The following DOCK8 variants were observed in gnomAD, a reference collection of about 807,000 sequenced individuals.
DOCK8 encodes dedicator of cytokinesis protein 8.
Under a neutral mutation model 245.6 loss-of-function variants are expected in DOCK8, and 141 were observed. That is an observed-to-expected ratio of 0.57 (90% CI 0.50 to 0.66). The LOEUF is 0.66. DOCK8 is among the 30% of genes least tolerant of loss of function. The probability of loss-of-function intolerance (pLI) is 0.00; values close to 1 mark genes in which losing one functional copy is unlikely to be tolerated. For missense variants in DOCK8, 2,965 were observed against 2,603.4 expected (o/e 1.14, Z -3.02); for synonymous variants, 1,168 against 970.2 (o/e 1.20, Z -3.79).
At chr9:244,633 T>TA (rs1183257378) in intron 1 of DOCK8, among the ~76,000 whole-genome samples, 1 of 152,208 alleles carries the variant, frequency 6.6e-6, no homozygotes, top group Non-Finnish European at 1.5e-5. Flanking sequence ...TATCATATCA[T>TA]AAATGTTTAA....
chr9:342,728 A>G (rs1210285650), intron 14 of DOCK8, among the ~76,000 whole-genome samples: 3 of 152,116 alleles, frequency 2.0e-5, no homozygotes, highest in African/African-American at 7.2e-5. Context: ...TCGGCCTCCC[A>G]AAGTGCTGGG....
At chr9:330,647 G>C (rs1454234657) in intron 9 of DOCK8, among the ~76,000 whole-genome samples, 1 of 151,972 alleles carries the variant, frequency 6.6e-6, no homozygotes, top group African/African-American at 2.4e-5. Flanking sequence ...ACAATAAATG[G>C]CCATGAAATA....
intron 16 of DOCK8, 61 bp from the exon 17 acceptor site, chr9:371,367 C>G: frequency 6.2e-7 from 1 of 1,602,670 alleles, no homozygotes; most frequent in Non-Finnish European, 8.5e-7. Context: ...TGGCGTTTTA[C>G]AATCAGAGAA....
At chr9:343,540 A>C (rs1443151080) in intron 14 of DOCK8, among the ~76,000 whole-genome samples, 1 of 152,152 alleles carries the variant, frequency 6.6e-6, no homozygotes, top group African/African-American at 2.4e-5. Context: ...ACAAACAGCT[A>C]TTCACACAGG....
At chr9:334,477 G>A in intron 11 of DOCK8, 93 bp downstream of exon 11, 1 of 1,403,850 alleles carries the variant, frequency 7.1e-7, no homozygotes, top group East Asian at 2.3e-5. Flanking sequence ...GGCACAGTGA[G>A]GTGTGGGAAG....
Position 390,574 on chromosome 9 carries a change from T to A in DOCK8, c.2970+8T>A. On this transcript the variant is annotated splice_region_variant and intron_variant, in intron 24 of 47. Transcript: ENST00000432829. The stretch of plus-strand genomic sequence containing the variant: ...TTCTTCTTTGAGCTTCTGGTGAGAT[T>A]CTTGCGCGTTTGTATCTGTGCTCAA... 1.2e-6 allele frequency: 2 copies of A among 1,613,356 alleles called. No homozygotes were observed. Among genetic ancestry groups the A allele is most frequent in the Middle Eastern group, 1.7e-4 (1 of 6,060 alleles).
intron 20 of DOCK8, among the ~76,000 whole-genome samples, chr9:377,473 A>C (rs946075324): frequency 2.6e-5 from 4 of 152,226 alleles, no homozygotes; most frequent in Non-Finnish European, 5.9e-5. Context: ...AGTCTTTAAA[A>C]TTCCATTTCT....
At chr9:423,894 T>C (rs552486854) in intron 33 of DOCK8, among the ~76,000 whole-genome samples, 1 of 152,266 alleles carries the variant, frequency 6.6e-6, no homozygotes, top group Admixed American at 6.5e-5. Flanking sequence ...TGTAAACTGG[T>C]GTTTTGGAAA....
chr9:449,915 T>C lies in DOCK8; in HGVS notation c.5949T>C (p.Ala1983=), dbSNP rs2057375958. The part of the protein sequence containing the change: ...LQMVLQGSVG[A]TVNQGPLEVA... The stretch of plus-strand genomic sequence containing the variant: ...TGGTGCTGCAAGGCTCTGTGGGAGC[T>C]ACTGTAAATCAGGTAAGCAAAACCA... The change falls in exon 45 of 48, where the codon GCT becomes GCC. Residue 1983 remains alanine, a synonymous_variant. Coordinates refer to ENST00000432829, the MANE Select transcript of DOCK8 (RefSeq NM_203447.4). 6.2e-7 allele frequency: 1 copy of C among 1,613,894 alleles called. No individual in the cohort carries two copies. The highest frequency in any genetic ancestry group is 1.1e-5 in the South Asian group (1 of 91,072).
intron 38 of DOCK8, among the ~76,000 whole-genome samples, chr9:434,362 A>T (rs2056821482): frequency 6.6e-6 from 1 of 152,206 alleles, no homozygotes; most frequent in Admixed American, 6.5e-5. Flanking sequence ...CGTAGTTTAA[A>T]AGTTGGTCTT....
intron 28 of DOCK8, among the ~76,000 whole-genome samples, chr9:412,064 C>T (rs978751253): frequency 5.3e-5 from 8 of 152,064 alleles, no homozygotes; most frequent in African/African-American, 1.4e-4. Context: ...TTCTATTCAA[C>T]ATATTAGGAG....
chr9:297,495 C>A (rs757666947), intron 4 of DOCK8, among the ~76,000 whole-genome samples: 4 of 152,190 alleles, frequency 2.6e-5, no homozygotes, highest in Non-Finnish European at 5.9e-5. Flanking sequence ...TCATGAGAAT[C>A]ATTTTTCTAG....
At chr9:415,477 A>G (rs1203009901) in intron 29 of DOCK8, among the ~76,000 whole-genome samples, 2 of 152,192 alleles carry the variant, frequency 1.3e-5, no homozygotes, top group Non-Finnish European at 2.9e-5. Flanking sequence ...TTTGAGGTTA[A>G]TATGTCTAGA....
intron 26 of DOCK8, among the ~76,000 whole-genome samples, chr9:404,570 C>T (rs1314186999): frequency 6.6e-6 from 1 of 152,118 alleles, no homozygotes; most frequent in African/African-American, 2.4e-5. Flanking sequence ...TTTAGTTTCT[C>T]GAACATAGTA....
chr9:414,825 C>T lies in DOCK8; in HGVS notation c.3574C>T (p.Leu1192=). The T allele has an allele frequency of 1.9e-6, 3 of 1,614,168 alleles. No individual in the cohort carries two copies. Among genetic ancestry groups the T allele is most frequent in the Non-Finnish European group, 2.5e-6 (3 of 1,180,030 alleles). ...GAAAGCTGTCAGTGCAATTCACAGC[C>T]TGCTAAGTTCTCACGACCTGGACCC... ...QRKAVSAIHS[L]LSSHDLDPRC... The change falls in exon 29 of 48, where the codon CTG becomes TTG. Residue 1192 remains leucine, a synonymous_variant. Transcript: ENST00000432829.
At chr9:365,426 A>G (rs2052937280) in intron 14 of DOCK8, among the ~76,000 whole-genome samples, 1 of 152,194 alleles carries the variant, frequency 6.6e-6, no homozygotes, top group Admixed American at 6.5e-5. Context: ...TCACATTTGT[A>G]GGTTTACAGA....
intron 18 of DOCK8, among the ~76,000 whole-genome samples, chr9:375,527 C>T (rs2053479665): frequency 6.6e-6 from 1 of 152,154 alleles, no homozygotes; most frequent in Admixed American, 6.5e-5. Context: ...TTTGTCCTGA[C>T]AATTCTGATT....
intron 1 of DOCK8, among the ~76,000 whole-genome samples, chr9:240,118 T>G (rs961950525): frequency 2.0e-5 from 3 of 152,240 alleles, no homozygotes; most frequent in African/African-American, 7.2e-5. Flanking sequence ...AGGTTTTGTG[T>G]GGCATCTGCC....
At chr9:427,705 AT>A (rs2056551248) in intron 34 of DOCK8, among the ~76,000 whole-genome samples, 1 of 152,214 alleles carries the variant, frequency 6.6e-6, no homozygotes, top group South Asian at 2.1e-4. Context: ...TGAAATCTTA[AT>A]TCTCTAACTT....
Sources: gnomAD v4.1 joint callset for allele counts (sites outside exome capture counted in the v4.1 genomes callset) on GRCh38, gnomAD v4.1.1 for gene constraint, MANE v1.5 for transcripts, NCBI Gene and HGNC (gene_info 2026-07-23, HGNC 2026-07-21) for gene names.